Variants in SIGLEC9 observed in about 807,000 individuals in gnomAD.
SIGLEC9 encodes the protein sialic acid binding Ig like lectin 9, also known as sialic acid-binding Ig-like lectin 9.
Under a neutral mutation model 38.3 loss-of-function variants are expected in SIGLEC9, and 26 were observed. That is an observed-to-expected ratio of 0.68 (90% CI 0.50 to 0.94). The LOEUF is 0.94. Ranked by LOEUF, SIGLEC9 falls within the 40% of genes least tolerant of loss-of-function variation. SIGLEC9 has a pLI of 0.00. For synonymous variants in SIGLEC9, 236 were observed against 248.0 expected (o/e 0.95, Z 0.45); for missense variants, 556 against 585.7 (o/e 0.95, Z 0.52).
intron 6 of SIGLEC9, 38 bp downstream of exon 6, chr19:51,128,548 T>C: frequency 6.3e-7 from 1 of 1,583,342 alleles, no homozygotes; most frequent in Non-Finnish European, 8.7e-7. Context: ...GCATGTAGCC[T>C]GGACACCTCC....
downstream of SIGLEC9, among the ~76,000 whole-genome samples, chr19:51,134,644 G>A (rs1599823804): frequency 6.6e-6 from 1 of 152,142 alleles, no homozygotes. Context: ...ACTAGCTAGT[G>A]ATCTATCAAT....
At chr19:51,125,498 G>C in intron 1 of SIGLEC9, 99 bp from the exon 2 acceptor site, 4 of 1,557,326 alleles carry the variant, frequency 2.6e-6, no homozygotes, top group East Asian at 2.2e-5. Context: ...AGGGTGAAGC[G>C]AGTTGGCTCA....
Position 51,125,151 on chromosome 19 carries a change from C to A in SIGLEC9, c.177C>A (p.Gly59=). ...GWIYPGPVVH[G]YWFREGANTD... ...TTTACCCTGGCCCAGTAGTTCATGG[C>A]TACTGGTTCCGGGAAGGGGCCAATA... is the stretch of plus-strand genomic sequence containing the variant. Residue 59 remains glycine (G), a synonymous_variant, in exon 1 of 7, where the codon GGC becomes GGA. Coordinates refer to ENST00000250360, the MANE Select transcript of SIGLEC9 (RefSeq NM_014441.3). 6.2e-7 allele frequency: 1 copy of A among 1,614,092 alleles called. No individual in the cohort carries two copies. Among genetic ancestry groups the A allele is most frequent in the Non-Finnish European group, 8.5e-7 (1 of 1,180,004 alleles).
chr19:51,130,237 C>A lies in SIGLEC9; in HGVS notation c.*158C>A. On this transcript the variant is annotated 3_prime_UTR_variant, in exon 7 of 7. Transcript: ENST00000250360. The stretch of plus-strand genomic sequence containing the variant: ...GTGAAAAGCACACAGGCTTTAGAGT[C>A]AAAGTATCTCAAACCTGAATCCACA... 7.6e-7 allele frequency: 1 copy of A among 1,315,922 alleles called. No individual in the cohort carries two copies. The highest frequency in any genetic ancestry group is 9.7e-7 in the Non-Finnish European group (1 of 1,027,082). 81.5% of individuals were successfully genotyped at this position (1,315,922 alleles called of 1,614,324 possible). A position where few individuals can be genotyped will look rare whatever the true frequency, so the allele number is the denominator to read the frequency against.
intron 6 of SIGLEC9, among the ~76,000 whole-genome samples, chr19:51,135,692 T>G (rs529456718): frequency 6.6e-6 from 1 of 152,306 alleles, no homozygotes; most frequent in South Asian, 2.1e-4. Flanking sequence ...TGCGTCTCTC[T>G]TTTTCCAGGA....
At chr19:51,124,865 G>A (rs543849058), upstream of SIGLEC9, 65 of 1,409,978 alleles carry the variant, frequency 4.6e-5, no homozygotes, top group African/African-American at 2.7e-4. Flanking sequence ...TTCCGACCTC[G>A]CCCCTGTCTT....
At position 51,127,151 on chromosome 19, in the gene SIGLEC9, A is replaced by G; in HGVS notation, c.870A>G (p.Arg290=). The stretch of plus-strand genomic sequence containing the variant: ...CTGCCAGGCTGAGCCTGAGCTGGAG[A>G]GGCCTGACCCTGTGCCCCTCACAGC... The part of the protein sequence containing the change: ...NPPARLSLSW[R]GLTLCPSQPS... Residue 290 remains arginine, a synonymous_variant, in exon 4 of 7, where the codon AGA becomes AGG. Coordinates refer to ENST00000250360, the MANE Select transcript of SIGLEC9 (RefSeq NM_014441.3). 6.2e-7 allele frequency: 1 copy of G among 1,614,204 alleles called. No individual in the cohort carries two copies. The highest frequency in any genetic ancestry group is 8.5e-7 in the Non-Finnish European group (1 of 1,180,036).
At chr19:51,126,870 G>A (rs1029053498) in intron 3 of SIGLEC9, among the ~76,000 whole-genome samples, 160 bp from the exon 4 acceptor site, 9 of 152,280 alleles carry the variant, frequency 5.9e-5, no homozygotes, top group East Asian at 1.9e-4. Flanking sequence ...TCGATGAAGC[G>A]GGGAGAAGTT....
rs753778201 is a variant in SIGLEC9, at chr19:51,128,398, T to C, written c.1107-16T>C. 10 of 1,613,140 alleles carry C rather than the reference T, an allele frequency of 6.2e-6. No individual in the cohort carries two copies. Among genetic ancestry groups the C allele is most frequent in the Non-Finnish European group, 8.5e-6 (10 of 1,179,198 alleles). On this transcript the variant is annotated splice_polypyrimidine_tract_variant and intron_variant, in intron 5 of 6. Transcript: ENST00000250360. ...AATCTGACCACACTGAAAGGCTCTC[T>C]GGTCTCTTCACTCAGAGTGAGGTCC...
downstream of SIGLEC9, among the ~76,000 whole-genome samples, chr19:51,134,474 A>G (rs1364937875): frequency 1.3e-5 from 2 of 152,144 alleles, no homozygotes; most frequent in East Asian, 1.9e-4. Context: ...GGAATAGTCT[A>G]TGTCTTAACT....
downstream of SIGLEC9, among the ~76,000 whole-genome samples, chr19:51,130,854 A>C (rs930944713): frequency 4.6e-5 from 7 of 152,156 alleles, no homozygotes; most frequent in African/African-American, 1.7e-4. Context: ...GTCTTTTCCA[A>C]ATCATTTGCA....
At chr19:51,122,208 A>C (rs1012912480), upstream of SIGLEC9, among the ~76,000 whole-genome samples, 9 of 150,854 alleles carry the variant, frequency 6.0e-5, no homozygotes, top group African/African-American at 2.2e-4. The surrounding 1 kb of genome is among the most constrained non-coding windows in gnomAD (Gnocchi z 4.1). Flanking sequence ...AATATGACCC[A>C]CTCCCCCTTC....
chr19:51,127,095 T>C lies in SIGLEC9; in HGVS notation c.814T>C (p.Cys272Arg). The change falls in exon 4 of 7, where the codon TGT becomes CGT. Residue 272 changes from cysteine (C) to arginine (R), a missense_variant. Transcript: ENST00000250360. ...LPEGQSLRLV[C>R]AVDAVDSNPP... The stretch of plus-strand genomic sequence containing the variant: ...AGAGGGCCAGTCTCTGCGCCTGGTC[T>C]GTGCAGTTGATGCAGTTGACAGCAA... The C allele has an allele frequency of 6.2e-7, 1 of 1,614,228 alleles. No individual in the cohort carries two copies. Among genetic ancestry groups the C allele is most frequent in the South Asian group, 1.1e-5 (1 of 91,084 alleles).
At chr19:51,124,819 T>G, upstream of SIGLEC9, 1 of 913,106 alleles carries the variant, frequency 1.1e-6, no homozygotes, top group Non-Finnish European at 1.6e-6. Flanking sequence ...CCTGACAGTG[T>G]CTGGGTGTAA....
chr19:51,125,387 A>C lies in SIGLEC9; in HGVS notation c.413A>C (p.Asn138Thr). ...WNYKHHRLSV[N>T]VTALTHRPNI... The stretch of plus-strand genomic sequence containing the variant: ...TATAAACATCACCGGCTCTCTGTGA[A>C]TGTGACAGGTAAGGCACAGGCTCCA... The change falls in exon 1 of 7, where the codon AAT becomes ACT. Residue 138 changes from asparagine to threonine, a missense_variant. Coordinates refer to ENST00000250360, the MANE Select transcript of SIGLEC9 (RefSeq NM_014441.3). The C allele has an allele frequency of 6.3e-7, 1 of 1,581,446 alleles. No individual in the cohort carries two copies. The highest frequency in any genetic ancestry group is 8.6e-7 in the Non-Finnish European group (1 of 1,162,558).
chr19:51,128,511 G>T lies in SIGLEC9; in HGVS notation c.1203+1G>T. 1.2e-6 allele frequency: 2 copies of T among 1,613,242 alleles called. No homozygotes were observed. Among genetic ancestry groups the T allele is most frequent in the Non-Finnish European group, 1.7e-6 (2 of 1,179,296 alleles). On this transcript the variant is annotated splice_donor_variant, in intron 6 of 6. Coordinates refer to ENST00000250360, the MANE Select transcript of SIGLEC9 (RefSeq NM_014441.3). LOFTEE classifies it high-confidence loss of function. ...CGCTGTCAGGGGTTCAGCCTCTCAG[G>T]TGAGTGATGTGGACTCTCCACAGCC...
In SIGLEC9 at chr19:51,128,425, G is replaced by A. The variant is rs374890511; in HGVS notation, c.1118G>A (p.Cys373Tyr). 1.9e-6 allele frequency: 3 copies of A among 1,613,988 alleles called. No homozygotes were observed. Among genetic ancestry groups the A allele is most frequent in the Admixed American group, 1.7e-5 (1 of 59,998 alleles). ...GTCTCTTCACTCAGAGTGAGGTCCT[G>A]CAGGAAGAAATCGGCAAGGCCAGCA... ...FCVIFVVVRS[C>Y]RKKSARPAAG... The change falls in exon 6 of 7, where the codon TGC becomes TAC. Residue 373 changes from cysteine (C) to tyrosine (Y), a missense_variant. Transcript: ENST00000250360.
At chr19:51,124,637 TTCA>T (rs1461415393), upstream of SIGLEC9, among the ~76,000 whole-genome samples, 2 of 152,226 alleles carry the variant, frequency 1.3e-5, no homozygotes, top group Non-Finnish European at 2.9e-5. Flanking sequence ...GGGACTCATT[TTCA>T]CCCTGCAGAA....
chr19:51,124,783 G>A (rs2091964652), upstream of SIGLEC9: 16 of 674,598 alleles, frequency 2.4e-5, 1 homozygote, highest in East Asian at 1.1e-4. Context: ...GGTGGTGGAC[G>A]GTGGATCTCC....
Sources: gnomAD v4.1 joint callset for allele counts (sites outside exome capture counted in the v4.1 genomes callset) on GRCh38, gnomAD v4.1.1 for gene constraint, Gnocchi (gnomAD v3.1) non-coding constraint, MANE v1.5 for transcripts, NCBI Gene and HGNC (gene_info 2026-07-23, HGNC 2026-07-21) for gene names.